The following ENTREP2 variants were observed in gnomAD, a reference collection of about 807,000 sequenced individuals.
The protein encoded by ENTREP2 is endosomal transmembrane epsin interactor 2, also known as protein ENTREP2.
the ENTREP2 span, among the ~76,000 whole-genome samples, chr15:29,273,229 C>T: frequency 2.2e-5 from 3 of 138,018 alleles, no homozygotes; most frequent in African/African-American, 5.8e-5. Context: ...GATGGAGTTG[C>T]GCTCTGTCGC....
At chr15:29,127,613 T>G in the ENTREP2 span, among the ~76,000 whole-genome samples, 1 of 151,856 alleles carries the variant, frequency 6.6e-6, no homozygotes, top group South Asian at 2.1e-4. Context: ...CTCAGGAGAG[T>G]CCTGACCCCT....
At chr15:29,649,576 C>T in the ENTREP2 span, among the ~76,000 whole-genome samples, 1 of 151,646 alleles carries the variant, frequency 6.6e-6, no homozygotes, top group African/African-American at 2.4e-5. Flanking sequence ...CAAAAACTAG[C>T]CAGGCGTGGT....
At chr15:29,230,432 G>A in the ENTREP2 span, among the ~76,000 whole-genome samples, 1 of 152,100 alleles carries the variant, frequency 6.6e-6, no homozygotes, top group Non-Finnish European at 1.5e-5. Context: ...AGGCAGAGAG[G>A]AAATTATAGT....
chr15:29,494,719 C>T, the ENTREP2 span, among the ~76,000 whole-genome samples: 1 of 152,196 alleles, frequency 6.6e-6, no homozygotes, highest in Non-Finnish European at 1.5e-5. Flanking sequence ...CTATGAGCCA[C>T]GTTTTTAGAT....
the ENTREP2 span, among the ~76,000 whole-genome samples, chr15:29,451,481 C>G: frequency 6.6e-6 from 1 of 152,044 alleles, no homozygotes; most frequent in African/African-American, 2.4e-5. Context: ...ATGTCGGGGG[C>G]GCGAGGGGCT....
the ENTREP2 span, among the ~76,000 whole-genome samples, chr15:29,546,230 T>C: frequency 6.6e-6 from 1 of 152,118 alleles, no homozygotes; most frequent in African/African-American, 2.4e-5. Context: ...CACTGTAATA[T>C]TAAAGCAAGC....
At chr15:29,311,442 C>T in the ENTREP2 span, among the ~76,000 whole-genome samples, 1 of 152,202 alleles carries the variant, frequency 6.6e-6, no homozygotes, top group Admixed American at 6.5e-5. Context: ...GTAATCCCAA[C>T]ATTTTGGGAG....
At chr15:29,132,945 A>C in the ENTREP2 span, among the ~76,000 whole-genome samples, 1 of 152,164 alleles carries the variant, frequency 6.6e-6, no homozygotes, top group East Asian at 1.9e-4. Flanking sequence ...AGGGTCACTG[A>C]GCAGAGGCGG....
the ENTREP2 span, among the ~76,000 whole-genome samples, chr15:29,138,109 G>A: frequency 3.3e-5 from 5 of 152,056 alleles, no homozygotes; most frequent in East Asian, 5.8e-4. Flanking sequence ...CTTTGGACAC[G>A]TAGTATCTAT....
the ENTREP2 span, among the ~76,000 whole-genome samples, chr15:29,368,952 G>A: frequency 1.3e-5 from 2 of 152,064 alleles, no homozygotes; most frequent in African/African-American, 4.8e-5. Flanking sequence ...TCTCTATAGG[G>A]GTTAAAGAGC....
chr15:29,374,872 C>T, the ENTREP2 span: 3 of 152,136 alleles, frequency 2.0e-5, no homozygotes, highest in South Asian at 6.2e-4. Context: ...TTAATCTCAT[C>T]CAGTGAATTT....
the ENTREP2 span, among the ~76,000 whole-genome samples, chr15:29,643,058 G>A: frequency 1.3e-5 from 2 of 151,996 alleles, no homozygotes; most frequent in Admixed American, 6.6e-5. Context: ...CTAAAACTAC[G>A]GAATTCTTAG....
At chr15:29,406,235 C>T in the ENTREP2 span, among the ~76,000 whole-genome samples, 7 of 152,214 alleles carry the variant, frequency 4.6e-5, no homozygotes, top group Non-Finnish European at 1.0e-4. Context: ...GAATCACAAA[C>T]GTATGTGAAA....
At chr15:29,478,007 A>ATTT in the ENTREP2 span, among the ~76,000 whole-genome samples, 1 of 73,640 alleles carries the variant, frequency 1.4e-5, no homozygotes, top group Non-Finnish European at 2.4e-5. Flanking sequence ...ATATATATAT[A>ATTT]TATATATATA....
the ENTREP2 span, among the ~76,000 whole-genome samples, chr15:29,292,201 T>C: frequency 6.6e-6 from 1 of 152,264 alleles, no homozygotes; most frequent in Admixed American, 6.5e-5. Flanking sequence ...CCAGTTTAAC[T>C]ACTGATCATC....
At chr15:29,674,744 G>A in the ENTREP2 span, among the ~76,000 whole-genome samples, 1 of 147,262 alleles carries the variant, frequency 6.8e-6, no homozygotes, top group African/African-American at 2.5e-5. Flanking sequence ...AGGAGGGAAG[G>A]AGGGAAAAGG....
At chr15:29,464,741 C>T in the ENTREP2 span, among the ~76,000 whole-genome samples, 2 of 152,082 alleles carry the variant, frequency 1.3e-5, no homozygotes, top group East Asian at 1.9e-4. Flanking sequence ...CAGGGGGCAG[C>T]GAGGCCGCTC....
chr15:29,344,137 C>T, the ENTREP2 span, among the ~76,000 whole-genome samples: 1 of 152,198 alleles, frequency 6.6e-6, no homozygotes, highest in Non-Finnish European at 1.5e-5. Context: ...TAACTTGTGG[C>T]AATCTGCAAA....
the ENTREP2 span, among the ~76,000 whole-genome samples, chr15:29,591,909 A>T: frequency 6.9e-6 from 1 of 144,770 alleles, no homozygotes; most frequent in East Asian, 2.2e-4. Context: ...GAGAAAACAC[A>T]GATGTTTCTA....
Sources: gnomAD v4.1 joint callset for allele counts (sites outside exome capture counted in the v4.1 genomes callset) on GRCh38, gnomAD v4.1.1 for gene constraint, MANE v1.5 for transcripts, NCBI Gene and HGNC (gene_info 2026-07-23, HGNC 2026-07-21) for gene names.